SEMA5A: variants seen among roughly 807,000 people sequenced by gnomAD.
SEMA5A encodes the protein semaphorin 5A.
SEMA5A carries 55 observed loss-of-function variants against 135.5 expected under a neutral mutation model. That is an observed-to-expected ratio of 0.41 (90% CI 0.33 to 0.51). The LOEUF is 0.51. Among genes scored for constraint, SEMA5A ranks in the 20% least tolerant of loss-of-function variants. The probability of loss-of-function intolerance (pLI) is 0.37; values close to 1 mark genes in which losing one functional copy is unlikely to be tolerated. For synonymous variants in SEMA5A, 580 were observed against 546.5 expected (o/e 1.06, Z -0.85); for missense variants, 1,290 against 1,419.9 (o/e 0.91, Z 1.47).
chr5:9,214,518 T>C (rs770584789), intron 8 of SEMA5A, among the ~76,000 whole-genome samples: 21 of 152,248 alleles, frequency 1.4e-4, no homozygotes, highest in Non-Finnish European at 1.5e-4. Flanking sequence ...AGGCAGGTTT[T>C]TAGAACCATA....
At chr5:9,305,852 A>G (rs967742361) in intron 5 of SEMA5A, among the ~76,000 whole-genome samples, 2 of 152,000 alleles carry the variant, frequency 1.3e-5, no homozygotes, top group African/African-American at 4.8e-5. Flanking sequence ...GGTCCAATAT[A>G]TCAGCAGCTT....
chr5:9,513,709 T>C (rs558246820), intron 1 of SEMA5A, among the ~76,000 whole-genome samples: 5 of 152,342 alleles, frequency 3.3e-5, no homozygotes, highest in Non-Finnish European at 7.3e-5. Flanking sequence ...TAACAATCTA[T>C]GCCCCAGAGT....
At chr5:9,455,245 TTTTA>T (rs1344630414) in intron 1 of SEMA5A, among the ~76,000 whole-genome samples, 2 of 139,190 alleles carry the variant, frequency 1.4e-5, no homozygotes, top group African/African-American at 5.9e-5. Context: ...TTTTATTTTA[TTTTA>T]TTTATTTATT....
chr5:9,374,199 C>T (rs73740514), intron 3 of SEMA5A, among the ~76,000 whole-genome samples: 3,050 of 152,058 alleles, frequency 0.02, 98 homozygotes, highest in African/African-American at 0.069. Context: ...GCTGTTAAAG[C>T]GTGTTATGCA....
intron 1 of SEMA5A, among the ~76,000 whole-genome samples, chr5:9,479,482 C>A (rs1176460173): frequency 1.3e-5 from 2 of 152,144 alleles, no homozygotes; most frequent in Non-Finnish European, 2.9e-5. Context: ...GTGGGCTCTG[C>A]AGCTTATAAG....
intron 5 of SEMA5A, among the ~76,000 whole-genome samples, chr5:9,253,790 C>T (rs1056756633): frequency 8.0e-5 from 12 of 150,886 alleles, no homozygotes; most frequent in African/African-American, 2.9e-4. Context: ...CCTTCCTGTG[C>T]CATCTACACC....
chr5:9,233,318 T>C (rs919519332), intron 6 of SEMA5A, among the ~76,000 whole-genome samples: 4 of 152,234 alleles, frequency 2.6e-5, no homozygotes, highest in African/African-American at 7.2e-5. Flanking sequence ...CGTGAGAGAA[T>C]TGACTATTTG....
intron 3 of SEMA5A, among the ~76,000 whole-genome samples, chr5:9,352,092 G>GT (rs1754143615): frequency 1.5e-5 from 1 of 66,588 alleles, no homozygotes; most frequent in Non-Finnish European, 5.0e-5. Context: ...AATGTAACAG[G>GT]TCGGGGGGGT....
chr5:9,265,973 C>T (rs530492819), intron 5 of SEMA5A, among the ~76,000 whole-genome samples: 8 of 152,342 alleles, frequency 5.3e-5, no homozygotes, highest in Admixed American at 3.3e-4. Flanking sequence ...CCTTGCCCCA[C>T]GGCTGCCCTG....
chr5:9,323,436 T>C (rs963926246), intron 4 of SEMA5A, among the ~76,000 whole-genome samples: 2 of 152,044 alleles, frequency 1.3e-5, no homozygotes, highest in African/African-American at 4.8e-5. Flanking sequence ...TATAAATTGA[T>C]GTAATAAGTA....
chr5:9,400,596 T>G, intron 2 of SEMA5A, among the ~76,000 whole-genome samples: 1 of 103,582 alleles, frequency 9.7e-6, no homozygotes, highest in African/African-American at 4.0e-5. Context: ...AAGCTCCGCC[T>G]CCCGGGTTCA....
At chr5:9,322,468 A>T (rs932359470) in intron 4 of SEMA5A, among the ~76,000 whole-genome samples, 12 of 152,012 alleles carry the variant, frequency 7.9e-5, no homozygotes, top group Non-Finnish European at 1.6e-4. Context: ...CCATCACCAC[A>T]TCCAATACCC....
At chr5:9,517,478 AC>A (rs1186671796) in intron 1 of SEMA5A, 2 of 152,194 alleles carry the variant, frequency 1.3e-5, no homozygotes, top group Non-Finnish European at 2.9e-5. Flanking sequence ...CTGCATCTCC[AC>A]AGAATCCCCA....
chr5:9,082,718 C>G (rs995162218), intron 16 of SEMA5A, among the ~76,000 whole-genome samples: 2 of 152,138 alleles, frequency 1.3e-5, no homozygotes, highest in East Asian at 3.9e-4. Context: ...CATCTTTACA[C>G]GGAGCCCTGG....
At chr5:9,317,504 C>T (rs1752443371) in intron 5 of SEMA5A, among the ~76,000 whole-genome samples, 3 of 152,064 alleles carry the variant, frequency 2.0e-5, no homozygotes, top group Admixed American at 2.0e-4. Flanking sequence ...ATTTTAACAC[C>T]TTGCTAAGTA....
rs78341922 is a variant in SEMA5A at position 9,270,348 on chromosome 5, C to G, written c.271-32458G>C. ...TTCCTTCACTGTAATAAATCACAGCCATGCATGACTACATATTGAGTCCTT... is the reference window on the plus strand; with the variant it reads ...TTCCTTCACTGTAATAAATCACAGCGATGCATGACTACATATTGAGTCCTT... On this transcript the variant is annotated intron_variant, in intron 5 of 22. Coordinates refer to ENST00000382496, the MANE Select transcript of SEMA5A (RefSeq NM_003966.3). 1.0e-2 allele frequency among the ~76,000 whole-genome samples: 1,519 copies of G among 152,160 alleles called. 26 individuals are homozygous for G. The highest frequency in any genetic ancestry group is 0.035 in the African/African-American group (1,466 of 41,516).
At chr5:9,471,300 T>C (rs16882863) in intron 1 of SEMA5A, among the ~76,000 whole-genome samples, 61,315 of 151,926 alleles carry the variant, frequency 0.4, 12,917 homozygotes, top group Non-Finnish European at 0.46. Context: ...CTTGGGAGTG[T>C]CCCTGAAATA....
intron 5 of SEMA5A, among the ~76,000 whole-genome samples, chr5:9,252,287 A>C (rs1748840006): frequency 6.6e-6 from 1 of 152,178 alleles, no homozygotes; most frequent in Non-Finnish European, 1.5e-5. Context: ...CTGATTTCAC[A>C]AAGTCATCGA....
At chr5:9,133,332 A>G (rs1741542090) in intron 13 of SEMA5A, among the ~76,000 whole-genome samples, 1 of 152,340 alleles carries the variant, frequency 6.6e-6, no homozygotes, top group East Asian at 1.9e-4. Flanking sequence ...CATTTTCAAA[A>G]TGGTAGCCTA....
Sources: allele counts gnomAD v4.1 joint callset (sites outside exome capture counted in the v4.1 genomes callset), GRCh38; gene constraint gnomAD v4.1.1; transcripts MANE v1.5; gene names NCBI Gene and HGNC (gene_info 2026-07-23, HGNC 2026-07-21).